FSTL4: variants seen among roughly 807,000 people sequenced by gnomAD.
The protein encoded by FSTL4 is follistatin-related protein 4.
In FSTL4, 28 loss-of-function variants were observed where a neutral mutation model predicts 78.2. That is an observed-to-expected ratio of 0.36 (90% confidence interval 0.27 to 0.49). FSTL4 has a LOEUF of 0.49. Ranked by LOEUF, FSTL4 falls within the 20% of genes least tolerant of loss-of-function variation. The pLI, the probability that FSTL4 is intolerant of heterozygous loss-of-function variation, is 0.98. For missense variants in FSTL4, 922 were observed against 1,084.9 expected, an observed-to-expected ratio of 0.85 and a Z score of 2.11; for synonymous variants, 422 against 440.5, an observed-to-expected ratio of 0.96 and a Z score of 0.53.
chr5:133,743,042 T>C, the FSTL4 span, among the ~76,000 whole-genome samples: 5 of 152,224 alleles, frequency 3.3e-5, no homozygotes, highest in East Asian at 9.7e-4. Flanking sequence ...AACAAGAGCC[T>C]ATCAAAGCAA....
rs573403379 is a variant in FSTL4, at chr5:133,482,669, C to T, written c.161-81683G>A. Among the ~76,000 whole-genome samples the T allele has an allele frequency of 7.2e-4, 110 of 152,330 alleles. No homozygotes were observed. The South Asian group carries it at 0.022, about 30-fold the overall frequency. On this transcript the variant is annotated intron_variant, in intron 3 of 15. Transcript: ENST00000265342. ...AGTGAGCAGGTGGCAGGGGCTGTCT[C>T]ACCACAGCACATGGCTTGCAGGGTG...
At chr5:133,512,254 T>G (rs1026408868) in intron 3 of FSTL4, among the ~76,000 whole-genome samples, 41 of 152,334 alleles carry the variant, frequency 2.7e-4, no homozygotes, top group African/African-American at 9.9e-4. Context: ...CTCTGCCACA[T>G]GTAGTCCAAC....
chr5:133,648,182 A>T, the FSTL4 span, among the ~76,000 whole-genome samples: 1 of 152,222 alleles, frequency 6.6e-6, no homozygotes, highest in Non-Finnish European at 1.5e-5. Flanking sequence ...ATACAGGAAG[A>T]AAAATAAAGT....
At chr5:133,758,611 C>A in the FSTL4 span, among the ~76,000 whole-genome samples, 61 of 152,262 alleles carry the variant, frequency 4.0e-4, no homozygotes, top group Admixed American at 4.0e-3. Context: ...AATTGATATT[C>A]ATTATAAATA....
At chr5:133,564,028 G>C (rs1759975723) in intron 3 of FSTL4, among the ~76,000 whole-genome samples, 1 of 152,150 alleles carries the variant, frequency 6.6e-6, no homozygotes, top group African/African-American at 2.4e-5. Context: ...GGCTGGCAGG[G>C]CTATGCTCTC....
chr5:133,745,249 A>G, the FSTL4 span, among the ~76,000 whole-genome samples: 1 of 152,258 alleles, frequency 6.6e-6, no homozygotes, highest in Non-Finnish European at 1.5e-5. Flanking sequence ...CTATGGACCC[A>G]GCTTCCCTTC....
the FSTL4 span, among the ~76,000 whole-genome samples, chr5:133,836,052 T>G: frequency 6.6e-6 from 1 of 152,226 alleles, no homozygotes; most frequent in Non-Finnish European, 1.5e-5. Flanking sequence ...CTTTTTCTCC[T>G]TTTACTTTCA....
Position 133,464,054 on chromosome 5 carries a change from C to T in FSTL4, c.161-63068G>A, listed in dbSNP as rs1757651074. ...ACAGTCCCTGAACCTGGAGTGTGTACTCACTGACATATCACAACTGTGATG... is the reference window on the plus strand; with the variant it reads ...ACAGTCCCTGAACCTGGAGTGTGTATTCACTGACATATCACAACTGTGATG... On this transcript the variant is annotated intron_variant, in intron 3 of 15. Transcript: ENST00000265342. Among the ~76,000 whole-genome samples the T allele has an allele frequency of 2.0e-5, 3 of 152,364 alleles. No homozygotes were observed. In the South Asian group the frequency reaches 6.2e-4, roughly 32 times the overall value.
At chr5:133,357,624 GC>G (rs1754969145) in intron 4 of FSTL4, among the ~76,000 whole-genome samples, 2 of 152,258 alleles carry the variant, frequency 1.3e-5, no homozygotes, top group South Asian at 4.1e-4. Context: ...CGTGAGAACG[GC>G]CATTTGCTTC....
the FSTL4 span, among the ~76,000 whole-genome samples, chr5:133,640,878 G>T: frequency 7.2e-3 from 1,099 of 152,300 alleles, 12 homozygotes; most frequent in African/African-American, 0.025. Flanking sequence ...GAGCTGCCTC[G>T]CTGCTCTGGA....
intron 3 of FSTL4, among the ~76,000 whole-genome samples, chr5:133,413,461 A>G (rs980839690): frequency 6.6e-6 from 1 of 152,030 alleles, no homozygotes; most frequent in Non-Finnish European, 1.5e-5. Context: ...ATGTCTGGAT[A>G]ATTTTAACAT....
intron 4 of FSTL4, among the ~76,000 whole-genome samples, chr5:133,345,063 G>T (rs1580635867): frequency 6.6e-6 from 1 of 150,882 alleles, no homozygotes. Flanking sequence ...CCGCCTCCCG[G>T]GTTCACGCCA....
the FSTL4 span, among the ~76,000 whole-genome samples, chr5:133,627,332 G>T: frequency 1.3e-4 from 20 of 152,078 alleles, no homozygotes; most frequent in African/African-American, 4.6e-4. Flanking sequence ...GTCTTACATA[G>T]CAGCAGACAA....
At chr5:133,398,200 T>C (rs1475638831) in intron 4 of FSTL4, among the ~76,000 whole-genome samples, 1 of 152,186 alleles carries the variant, frequency 6.6e-6, no homozygotes, top group Non-Finnish European at 1.5e-5. Context: ...CTCCTGTGAA[T>C]CAGTGCCCAG....
chr5:133,373,432 C>A (rs187191310), intron 4 of FSTL4, among the ~76,000 whole-genome samples: 1 of 152,310 alleles, frequency 6.6e-6, no homozygotes, highest in Non-Finnish European at 1.5e-5. Flanking sequence ...AATGTGAAAT[C>A]CATGAGTAAC....
chr5:133,537,464 A>C lies in FSTL4; in HGVS notation c.160+29722T>G, dbSNP rs769400901. Among the ~76,000 whole-genome samples the C allele has an allele frequency of 7.9e-5, 12 of 152,190 alleles. 1 individual carries two copies. Among genetic ancestry groups the C allele is most frequent in the Non-Finnish European group, 8.8e-5 (6 of 68,040 alleles). On this transcript the variant is annotated intron_variant, in intron 3 of 15. Transcript: ENST00000265342. Reference sequence around the variant, plus strand: ...GATTTTGTATTTAACAACCTTATTAAAAGATATTAGTTATCCTAGTAATGT... The same window carrying C: ...GATTTTGTATTTAACAACCTTATTACAAGATATTAGTTATCCTAGTAATGT...
chr5:133,678,503 A>G, the FSTL4 span, among the ~76,000 whole-genome samples: 7 of 152,158 alleles, frequency 4.6e-5, no homozygotes, highest in Admixed American at 3.9e-4. Context: ...CATTGGATCA[A>G]TGTTGGTAGC....
At chr5:133,675,571 T>C in the FSTL4 span, among the ~76,000 whole-genome samples, 56,973 of 152,058 alleles carry the variant, frequency 0.37, 11,955 homozygotes, top group African/African-American at 0.58. Context: ...ACGTTAGTGC[T>C]GGTGCCAATG....
At chr5:133,521,093 C>G (rs892383927) in intron 3 of FSTL4, among the ~76,000 whole-genome samples, 4 of 152,104 alleles carry the variant, frequency 2.6e-5, no homozygotes, top group African/African-American at 9.7e-5. Flanking sequence ...CAAGCATGTC[C>G]TGAGCTTGCT....
Sources: gnomAD v4.1 joint callset for allele counts (sites outside exome capture counted in the v4.1 genomes callset) on GRCh38, gnomAD v4.1.1 for gene constraint, MANE v1.5 for transcripts, NCBI Gene and HGNC (gene_info 2026-07-23, HGNC 2026-07-21) for gene names.